The following PXDNL variants were observed in gnomAD, a reference collection of about 807,000 sequenced individuals.
The protein encoded by PXDNL is probable oxidoreductase PXDNL.
PXDNL carries 145 observed loss-of-function variants against 150.8 expected under a neutral mutation model. The observed-to-expected ratio is 0.96, with a 90% CI of 0.84 to 1.10. The LOEUF (loss-of-function observed/expected upper bound fraction) is 1.10. Among genes scored for constraint, PXDNL ranks in the 50% least tolerant of loss-of-function variants. The pLI is 0.00. For synonymous variants in PXDNL, 757 were observed against 725.7 expected, an observed-to-expected ratio of 1.04 and a Z score of -0.69; for missense variants, 2,087 against 1,873.9, an observed-to-expected ratio of 1.11 and a Z score of -2.10.
At chr8:51,429,977 A>G (rs1809211612) in intron 12 of PXDNL, among the ~76,000 whole-genome samples, 1 of 152,110 alleles carries the variant, frequency 6.6e-6, no homozygotes, top group Non-Finnish European at 1.5e-5. Context: ...TGCATAATGG[A>G]CATCTCATGA....
At chr8:51,718,770 C>T (rs1030944468) in intron 1 of PXDNL, among the ~76,000 whole-genome samples, 2 of 152,182 alleles carry the variant, frequency 1.3e-5, no homozygotes, top group African/African-American at 4.8e-5. Flanking sequence ...TGCCTCTTGG[C>T]CCCTCTGTGG....
At chr8:51,487,731 G>T (rs1810797559) in intron 5 of PXDNL, among the ~76,000 whole-genome samples, 1 of 152,212 alleles carries the variant, frequency 6.6e-6, no homozygotes, top group Admixed American at 6.5e-5. Context: ...ACTTGGTAAA[G>T]TGAAGATTTT....
chr8:51,495,854 A>T (rs1021561588), intron 5 of PXDNL, among the ~76,000 whole-genome samples: 4 of 151,806 alleles, frequency 2.6e-5, no homozygotes, highest in Admixed American at 2.6e-4. Flanking sequence ...CAGAGGTACC[A>T]GGAGGAGCTG....
chr8:51,805,296 A>G (rs997385958), intron 1 of PXDNL, among the ~76,000 whole-genome samples: 2 of 150,458 alleles, frequency 1.3e-5, no homozygotes, highest in Non-Finnish European at 3.0e-5. Context: ...AGCCCTATTA[A>G]GTTGTATTTT....
At chr8:51,448,922 T>TA (rs1408409689) in intron 11 of PXDNL, 80 bp downstream of exon 11, 7 of 763,734 alleles carry the variant, frequency 9.2e-6, no homozygotes, top group Non-Finnish European at 1.6e-5. Flanking sequence ...CTTCGATAAT[T>TA]AATTTAAACT....
chr8:51,470,329 C>T (rs1347788827), intron 8 of PXDNL, among the ~76,000 whole-genome samples: 1 of 152,044 alleles, frequency 6.6e-6, no homozygotes, highest in African/African-American at 2.4e-5. Context: ...ATTTAAAACA[C>T]ATGGCTGAGT....
chr8:51,605,560 T>G (rs1178227641), intron 2 of PXDNL, among the ~76,000 whole-genome samples: 1 of 152,116 alleles, frequency 6.6e-6, no homozygotes, highest in Non-Finnish European at 1.5e-5. Context: ...CTAAATACAT[T>G]TTAAAATCTA....
intron 2 of PXDNL, among the ~76,000 whole-genome samples, chr8:51,637,884 C>T (rs1433346006): frequency 6.6e-6 from 1 of 152,058 alleles, no homozygotes; most frequent in Non-Finnish European, 1.5e-5. Context: ...AGAGCAACTC[C>T]AAGACATATA....
chr8:51,712,851 A>T (rs371584876), intron 1 of PXDNL, among the ~76,000 whole-genome samples: 1 of 152,240 alleles, frequency 6.6e-6, no homozygotes, highest in Non-Finnish European at 1.5e-5. Context: ...ATTAATGGGT[A>T]AGAAAAATAT....
At chr8:51,479,914 T>C (rs1258567291) in intron 6 of PXDNL, among the ~76,000 whole-genome samples, 1 of 152,246 alleles carries the variant, frequency 6.6e-6, no homozygotes, top group South Asian at 2.1e-4. Flanking sequence ...CCAAGACTTT[T>C]GAGGGCTTGG....
intron 6 of PXDNL, among the ~76,000 whole-genome samples, chr8:51,479,336 A>C (rs770756085): frequency 6.6e-6 from 1 of 152,244 alleles, no homozygotes; most frequent in African/African-American, 2.4e-5. Flanking sequence ...GACTCTAACC[A>C]TAACTGATGT....
At chr8:51,655,522 G>A (rs559775287) in intron 1 of PXDNL, among the ~76,000 whole-genome samples, 1 of 152,268 alleles carries the variant, frequency 6.6e-6, no homozygotes, top group African/African-American at 2.4e-5. Context: ...ACACTTGGAA[G>A]ACTTAGGGAC....
At chr8:51,375,732 C>G (rs913903132) in intron 17 of PXDNL, among the ~76,000 whole-genome samples, 2 of 152,170 alleles carry the variant, frequency 1.3e-5, no homozygotes, top group African/African-American at 4.8e-5. Flanking sequence ...TGAACATTCT[C>G]TACATGTTTC....
At chr8:51,679,110 G>A (rs1815690573) in intron 1 of PXDNL, among the ~76,000 whole-genome samples, 1 of 152,186 alleles carries the variant, frequency 6.6e-6, no homozygotes, top group Non-Finnish European at 1.5e-5. Flanking sequence ...AGGTAATGCA[G>A]AGGAAAAAAC....
intron 2 of PXDNL, among the ~76,000 whole-genome samples, chr8:51,637,320 C>A (rs1325621727): frequency 6.6e-6 from 1 of 152,136 alleles, no homozygotes; most frequent in Admixed American, 6.5e-5. Flanking sequence ...GAACGCAGCT[C>A]CTCACCAGCA....
intron 17 of PXDNL, among the ~76,000 whole-genome samples, chr8:51,404,360 G>A (rs370430826): frequency 0.02 from 2,986 of 149,390 alleles, 136 homozygotes; most frequent in African/African-American, 0.074. Flanking sequence ...ACAGGGTGCT[G>A]ATTGGTGTGT....
At chr8:51,696,703 C>CCCCACACACACACACACACA (rs1816139534) in intron 1 of PXDNL, among the ~76,000 whole-genome samples, 1 of 3,470 alleles carries the variant, frequency 2.9e-4, no homozygotes. Flanking sequence ...CCACACACAT[C>CCCCACACACACACACACACA]CACACACAGG....
chr8:51,375,692 AT>A (rs1563380752), intron 17 of PXDNL, among the ~76,000 whole-genome samples: 1 of 152,208 alleles, frequency 6.6e-6, no homozygotes, highest in African/African-American at 2.4e-5. Flanking sequence ...CTGGTGATGA[AT>A]ACTTGTGAGG....
intron 4 of PXDNL, among the ~76,000 whole-genome samples, chr8:51,502,187 T>A (rs1342635562): frequency 6.6e-6 from 1 of 152,214 alleles, no homozygotes; most frequent in Non-Finnish European, 1.5e-5. Context: ...CATTATTTAC[T>A]TAGGAAAAAT....
Sources: allele counts gnomAD v4.1 joint callset (sites outside exome capture counted in the v4.1 genomes callset), GRCh38; gene constraint gnomAD v4.1.1; transcripts MANE v1.5; gene names NCBI Gene and HGNC (gene_info 2026-07-23, HGNC 2026-07-21).